PBX1: variants seen among roughly 807,000 people sequenced by gnomAD.
The protein encoded by PBX1 is pre-B-cell leukemia transcription factor 1.
Under a neutral mutation model 53.4 loss-of-function variants are expected in PBX1, and 6 were observed. The ratio of observed to expected loss-of-function variants is 0.11; its 90% CI spans 0.06 to 0.22. The LOEUF is 0.22. PBX1 is among the 10% of genes least tolerant of loss of function. The pLI, the probability that PBX1 is intolerant of heterozygous loss-of-function variation, is 1.00. For synonymous variants in PBX1, 204 were observed against 212.3 expected (o/e 0.96, Z 0.34); for missense variants, 251 against 551.4 (o/e 0.46, Z 5.46).
intron 2 of PBX1, among the ~76,000 whole-genome samples, chr1:164,698,649 G>A (rs932665357): frequency 2.0e-5 from 3 of 152,118 alleles, no homozygotes; most frequent in Non-Finnish European, 2.9e-5. Context: ...TTAAGTTTGT[G>A]CAGTTGACTC....
At chr1:164,870,322 T>TTTCTTTC in intron 2 of PBX1, among the ~76,000 whole-genome samples, 1 of 109,908 alleles carries the variant, frequency 9.1e-6, no homozygotes, top group Admixed American at 9.7e-5. Context: ...TCTTTCTTTC[T>TTTCTTTC]TTCTTTCTTT....
chr1:164,689,757 G>A (rs1219371336), intron 2 of PBX1, among the ~76,000 whole-genome samples: 1 of 152,098 alleles, frequency 6.6e-6, no homozygotes, highest in Non-Finnish European at 1.5e-5. Flanking sequence ...GTGAATCGAT[G>A]TTCTGGCTTG....
At chr1:164,795,824 C>A (rs202220237) in intron 3 of PBX1, among the ~76,000 whole-genome samples, 2 of 152,024 alleles carry the variant, frequency 1.3e-5, no homozygotes, top group Non-Finnish European at 2.9e-5. Flanking sequence ...TAGTACCTAC[C>A]TGGAATTACC....
chr1:164,819,916 C>G, intron 6 of PBX1, 156 bp from the exon 7 acceptor site: 1 of 596,184 alleles, frequency 1.7e-6, no homozygotes, highest in Non-Finnish European at 3.0e-6. Flanking sequence ...TTGCTCTGTT[C>G]TTCATGCTAC....
chr1:164,602,007 G>T (rs1028794424), intron 2 of PBX1, among the ~76,000 whole-genome samples: 1 of 152,130 alleles, frequency 6.6e-6, no homozygotes, highest in Non-Finnish European at 1.5e-5. Context: ...ATGTTAATCC[G>T]TTTAGATAAA....
intron 2 of PBX1, among the ~76,000 whole-genome samples, chr1:164,594,843 C>T (rs1390105986): frequency 6.6e-6 from 1 of 152,016 alleles, no homozygotes; most frequent in Non-Finnish European, 1.5e-5. Context: ...TAGTGGCAAC[C>T]TTACTAGACA....
intron 2 of PBX1, among the ~76,000 whole-genome samples, chr1:164,692,992 A>G (rs1179531580): frequency 6.6e-6 from 1 of 152,182 alleles, no homozygotes; most frequent in Non-Finnish European, 1.5e-5. Flanking sequence ...ACATTGTCCC[A>G]ACTGTGCTAA....
chr1:164,862,775 A>T (rs1257326003), intron 2 of PBX1, among the ~76,000 whole-genome samples: 1 of 152,190 alleles, frequency 6.6e-6, no homozygotes, highest in South Asian at 2.1e-4. Flanking sequence ...TAGATGCTAC[A>T]GTGTTGAGAG....
At chr1:164,753,236 T>TA (rs36047316) in intron 2 of PBX1, among the ~76,000 whole-genome samples, 6 of 152,210 alleles carry the variant, frequency 3.9e-5, no homozygotes, top group Admixed American at 1.3e-4. Flanking sequence ...TTAATAATTT[T>TA]AAAAAAGTGC....
chr1:164,872,141 G>T (rs544317005), intron 2 of PBX1, among the ~76,000 whole-genome samples: 2 of 152,234 alleles, frequency 1.3e-5, no homozygotes, highest in African/African-American at 4.8e-5. Context: ...CAGATGATTT[G>T]TGGGGCACTT....
intron 2 of PBX1, among the ~76,000 whole-genome samples, chr1:164,676,445 G>T (rs1426600343): frequency 6.6e-6 from 1 of 152,158 alleles, no homozygotes; most frequent in African/African-American, 2.4e-5. Flanking sequence ...AGGCAAGGCC[G>T]AGAGGCAGGA....
intron 2 of PBX1, among the ~76,000 whole-genome samples, chr1:164,861,231 T>C (rs1373525747): frequency 6.6e-6 from 1 of 152,004 alleles, no homozygotes; most frequent in Non-Finnish European, 1.5e-5. Context: ...GGGGCACTGA[T>C]AGAGAACGAG....
At chr1:164,715,741 G>A (rs1255798491) in intron 2 of PBX1, among the ~76,000 whole-genome samples, 3 of 152,158 alleles carry the variant, frequency 2.0e-5, no homozygotes, top group Non-Finnish European at 4.4e-5. Context: ...ATAGGATTTT[G>A]TGAATTATTT....
intron 2 of PBX1, among the ~76,000 whole-genome samples, chr1:164,780,325 A>C (rs1667869282): frequency 6.6e-6 from 1 of 152,186 alleles, no homozygotes; most frequent in African/African-American, 2.4e-5. Context: ...TGTTTGCCGC[A>C]GATGCTAAGT....
At chr1:164,590,406 C>G (rs1655288562) in intron 2 of PBX1, 2 of 455,818 alleles carry the variant, frequency 4.4e-6, no homozygotes, top group Non-Finnish European at 8.8e-6. Context: ...TTGCTTCTTC[C>G]CAATCGCCGC....
chr1:164,733,474 C>T (rs1376821035), intron 2 of PBX1, among the ~76,000 whole-genome samples: 2 of 151,996 alleles, frequency 1.3e-5, no homozygotes, highest in Non-Finnish European at 2.9e-5. Flanking sequence ...TGAGACAGGT[C>T]TTTGTGACAT....
chr1:164,844,069 C>T (rs187973364), intron 8 of PBX1, among the ~76,000 whole-genome samples: 1 of 151,080 alleles, frequency 6.6e-6, no homozygotes, highest in Admixed American at 6.6e-5. Context: ...TATTTTATAC[C>T]AGGGTGATTC....
chr1:164,700,109 G>A (rs553180672), intron 2 of PBX1, among the ~76,000 whole-genome samples: 14 of 152,302 alleles, frequency 9.2e-5, no homozygotes, highest in African/African-American at 3.1e-4. Context: ...CTTATTACAG[G>A]GTGTGCTTAA....
At chr1:164,579,458 G>C (rs1427101453) in intron 2 of PBX1, among the ~76,000 whole-genome samples, 1 of 152,102 alleles carries the variant, frequency 6.6e-6, no homozygotes, top group African/African-American at 2.4e-5. Context: ...TCCGTGTGAT[G>C]TCTTTCTCAC....
Sources: allele counts gnomAD v4.1 joint callset (sites outside exome capture counted in the v4.1 genomes callset), GRCh38; gene constraint gnomAD v4.1.1; transcripts MANE v1.5; gene names NCBI Gene and HGNC (gene_info 2026-07-23, HGNC 2026-07-21).